LAMA5: variants seen among roughly 807,000 people sequenced by gnomAD.
LAMA5 encodes laminin subunit alpha 5, also known as laminin subunit alpha-5.
A neutral mutation model predicts 433.4 loss-of-function variants in LAMA5; 260 were observed. That is an observed-to-expected ratio of 0.60 (90% CI 0.54 to 0.66). The LOEUF (loss-of-function observed/expected upper bound fraction) is 0.66, where lower values mean the gene tolerates loss of function less well. Among genes scored for constraint, LAMA5 ranks in the 30% least tolerant of loss-of-function variants. LAMA5 has a pLI of 0.00. For missense variants in LAMA5, 5,378 were observed against 5,258.5 expected (o/e 1.02, Z -0.70); for synonymous variants, 2,620 against 2,226.6 (o/e 1.18, Z -4.97).
rs757046216 is a variant in LAMA5 at position 62,322,307 on chromosome 20, G to A, written c.6308C>T (p.Ala2103Val). 2.5e-6 allele frequency: 4 copies of A among 1,599,844 alleles called. No homozygotes were observed. Among genetic ancestry groups the A allele is most frequent in the East Asian group, 2.3e-5 (1 of 44,286 alleles). ...GTMGPQCREC[A>V]PGYWGLPEQG... ...CTCAGGGAGCCCCCAGTAGCCAGGG[G>A]CACACTCGCGGCACTGGGGTCCCAT... Residue 2103 changes from alanine (A) to valine (V), a missense_variant, in exon 47 of 80, where the codon GCC becomes GTC. Ala to Val is a moderately conservative substitution (Grantham distance 64, BLOSUM62 0). Coordinates refer to ENST00000252999, the MANE Select transcript of LAMA5 (RefSeq NM_005560.6).
At chr20:62,322,620 G>GGCCC in intron 46 of LAMA5, 38 bp downstream of exon 46, 1 of 1,398,964 alleles carries the variant, frequency 7.1e-7, no homozygotes, top group Non-Finnish European at 9.8e-7. Context: ...TAGTCCCTAG[G>GGCCC]CCCCACCCAC....
chr20:62,310,108 G>A, intron 77 of LAMA5, 27 bp from the exon 78 acceptor site: 1 of 1,610,962 alleles, frequency 6.2e-7, no homozygotes, highest in Admixed American at 1.7e-5. Context: ...GGAGGGTCAG[G>A]CTATGCCCCC....
intron 2 of LAMA5, among the ~76,000 whole-genome samples, chr20:62,357,115 G>A (rs1985353280): frequency 6.6e-6 from 1 of 152,192 alleles, no homozygotes; most frequent in African/African-American, 2.4e-5. Flanking sequence ...AACCTCCAGA[G>A]GAGGGGAGGC....
intron 46 of LAMA5, 37 bp downstream of exon 46, chr20:62,322,620 GC>G: frequency 7.1e-7 from 1 of 1,399,008 alleles, no homozygotes. Context: ...TAGTCCCTAG[GC>G]CCCACCCACC....
At position 62,352,334 on chromosome 20, in the gene LAMA5, A is replaced by T; in HGVS notation, c.595T>A (p.Phe199Ile). Residue 199 changes from phenylalanine to isoleucine, a missense_variant, in exon 4 of 80, where the codon TTC becomes ATC. Transcript: ENST00000252999. ...ASSKRDCLER[F>I]GPQTLERITR... ...ATGCGCTCCAGCGTCTGTGGCCCGA[A>T]CCGCTCCAGACAGTCCCTCTTGGAG... 1.9e-6 allele frequency: 3 copies of T among 1,599,330 alleles called. No homozygotes were observed. The highest frequency in any genetic ancestry group is 2.5e-6 in the Non-Finnish European group (3 of 1,179,636).
In LAMA5 at chr20:62,311,685, G is replaced by C. The variant is rs1485098181; in HGVS notation, c.9735C>G (p.Leu3245=). 1 of 1,585,240 alleles carries C rather than the reference G, an allele frequency of 6.3e-7. No individual in the cohort carries two copies. The highest frequency in any genetic ancestry group is 1.3e-5 in the African/African-American group (1 of 74,426). Residue 3245 remains leucine (L), a synonymous_variant, in exon 71 of 80, where the codon CTC becomes CTG. Transcript: ENST00000252999. ...TGCCAGACTCAGGCAGGCCTCCCAG[G>C]AGGAGCCTCGGGGGCCCCTCAGGCT... ...QPQPEGPPRL[L]LGGLPESGTI... is the part of the protein sequence containing the mutation.
chr20:62,351,579 C>G (rs895794960), intron 6 of LAMA5, 125 bp downstream of exon 6: 9 of 846,578 alleles, frequency 1.1e-5, no homozygotes, highest in South Asian at 1.5e-5. Flanking sequence ...GTCACACAGA[C>G]AGCAGGGTTG....
At position 62,359,706 on chromosome 20, in the gene LAMA5, C is replaced by T. The variant is rs1985749208; in HGVS notation, c.450+2694G>A. On this transcript the variant is annotated intron_variant, in intron 2 of 79. Coordinates refer to ENST00000252999, the MANE Select transcript of LAMA5 (RefSeq NM_005560.6). The surrounding 1 kb of genome is among the most constrained non-coding windows in gnomAD (Gnocchi z 4.3). ...GAGGCCCCACCCTTGGAGAGAGAAC[C>T]CCTCCACGGCTGGGCGCAGCGGGAC... is the stretch of plus-strand genomic sequence containing the variant. 1.3e-5 allele frequency among the ~76,000 whole-genome samples: 2 copies of T among 152,076 alleles called. No homozygotes were observed. The highest frequency in any genetic ancestry group is 2.9e-5 in the Non-Finnish European group (2 of 67,946).
intron 70 of LAMA5, 32 bp from the exon 71 acceptor site, chr20:62,311,816 T>TGGGGGC: frequency 2.0e-6 from 3 of 1,520,990 alleles, no homozygotes; most frequent in Non-Finnish European, 2.7e-6. Context: ...GCTCGGTTTT[T>TGGGGGC]CCCCACCCTG....
Position 62,333,972 on chromosome 20 carries a change from T to G in LAMA5, c.2807A>C (p.Asn936Thr). The change falls in exon 23 of 80, where the codon AAC becomes ACC. Residue 936 changes from asparagine to threonine, a missense_variant. Physicochemically the swap from Asn to Thr is moderately conservative, Grantham distance 65. Coordinates refer to ENST00000252999, the MANE Select transcript of LAMA5 (RefSeq NM_005560.6). The part of the protein sequence containing the change: ...DLFWLVFRYV[N>T]RGAMSVSGRV... ...CCCGCTCACACTCATGGCCCCCCGG[T>G]TGACGTATCGGAAGACGAGCCAGAA... 6.2e-7 allele frequency: 1 copy of G among 1,612,830 alleles called. No individual in the cohort carries two copies. Among genetic ancestry groups the G allele is most frequent in the Non-Finnish European group, 8.5e-7 (1 of 1,179,850 alleles).
chr20:62,311,085 G>A lies in LAMA5; in HGVS notation c.10098C>T (p.Leu3366=). 1 of 1,581,910 alleles carries A rather than the reference G, an allele frequency of 6.3e-7. No homozygotes were observed. The highest frequency in any genetic ancestry group is 8.6e-7 in the Non-Finnish European group (1 of 1,162,768). Residue 3366 remains leucine, a synonymous_variant, in exon 74 of 80, where the codon CTC becomes CTT. Coordinates refer to ENST00000252999, the MANE Select transcript of LAMA5 (RefSeq NM_005560.6). ...ILARHRNWPS[L]SMHVLPRSSR... ...AGCTTCGCGGGAGGACGTGCATGGAGAGACTGGGCCTGGAAGCGGAGCTGG... is the reference window on the plus strand; with the variant it reads ...AGCTTCGCGGGAGGACGTGCATGGAAAGACTGGGCCTGGAAGCGGAGCTGG...
intron 11 of LAMA5, among the ~76,000 whole-genome samples, chr20:62,340,316 T>TTG (rs1053234693): frequency 2.1e-5 from 3 of 144,540 alleles, no homozygotes; most frequent in East Asian, 4.1e-4. Context: ...TTTTTTTTTT[T>TTG]TTTTTTTTTT....
At chr20:62,339,305 T>G (rs1054774749) in intron 11 of LAMA5, among the ~76,000 whole-genome samples, 2 of 129,290 alleles carry the variant, frequency 1.5e-5, no homozygotes, top group African/African-American at 2.8e-5. Context: ...TGGCACGATC[T>G]GGGCTCACTG....
At position 62,367,034 on chromosome 20, in the gene LAMA5, C is replaced by A. The variant is rs1219890891; in HGVS notation, c.212G>T (p.Arg71Leu). Residue 71 changes from arginine to leucine, a missense_variant, in exon 1 of 80, where the codon CGC (arginine) becomes CTC (leucine). Arg to Leu is a moderately radical substitution (Grantham distance 102). Coordinates refer to ENST00000252999, the MANE Select transcript of LAMA5 (RefSeq NM_005560.6). ...SATCGEEAPA[R>L]GSPRPTEDLY... ...GTCCTCGGTGGGGCGCGGGGAGCCG[C>A]GCGCCGGGGCCTCCTCTCCGCAGGT... is the stretch of plus-strand genomic sequence containing the variant. 1.2e-5 allele frequency: 15 copies of A among 1,258,524 alleles called. No homozygotes were observed. In the East Asian group the frequency reaches 4.6e-4, roughly 38 times the overall value. The allele number at this position is 1,258,524 out of a possible 1,614,324, so 78.0% of individuals were successfully genotyped here.
intron 79 of LAMA5, 70 bp downstream of exon 79, chr20:62,309,646 A>AGGGGGTGGGGGGG: frequency 7.4e-6 from 2 of 271,100 alleles, no homozygotes; most frequent in Non-Finnish European, 1.1e-5. Context: ...GGGTGGGGGG[A>AGGGGGTGGGGGGG]GGGTGGTAGG....
chr20:62,310,601 G>A (rs1986141998), intron 75 of LAMA5, 29 bp from the exon 76 acceptor site: 1 of 1,573,828 alleles, frequency 6.4e-7, no homozygotes, highest in Non-Finnish European at 8.6e-7. Context: ...CAGGGATCAG[G>A]GCCCAGGGCA....
chr20:62,358,529 C>A (rs1431048600), intron 2 of LAMA5, among the ~76,000 whole-genome samples: 1 of 152,202 alleles, frequency 6.6e-6, no homozygotes, highest in African/African-American at 2.4e-5. Context: ...GCACCCTGGA[C>A]CAGTAGGCCT....
At chr20:62,334,730 G>GTCGGGGC in intron 20 of LAMA5, 109 bp from the exon 21 acceptor site, 1 of 610,700 alleles carries the variant, frequency 1.6e-6, no homozygotes, top group Non-Finnish European at 2.9e-6. Context: ...ATGATGGAGA[G>GTCGGGGC]TCAGGGCTCA....
At chr20:62,323,399 C>T in intron 45 of LAMA5, 57 bp downstream of exon 45, 2 of 1,380,052 alleles carry the variant, frequency 1.4e-6, no homozygotes, top group African/African-American at 2.9e-5. Flanking sequence ...CCCAGCAGGC[C>T]TCCCTCCTCC....
Sources: gnomAD v4.1 joint callset for allele counts (sites outside exome capture counted in the v4.1 genomes callset) on GRCh38, gnomAD v4.1.1 for gene constraint, Gnocchi (gnomAD v3.1) non-coding constraint, MANE v1.5 for transcripts, NCBI Gene and HGNC (gene_info 2026-07-23, HGNC 2026-07-21) for gene names.